The following PET117 variants were observed in gnomAD, a reference collection of about 807,000 sequenced individuals.
PET117 encodes the protein PET117 cytochrome c oxidase chaperone.
In PET117, 10 loss-of-function variants were observed where a neutral mutation model predicts 9.2. The observed-to-expected ratio is 1.09, with a 90% CI of 0.67 to 1.85. The LOEUF (loss-of-function observed/expected upper bound fraction) is 1.85, where lower values mean the gene tolerates loss of function less well. Ranked by LOEUF, PET117 falls within the 40% of genes most tolerant of loss-of-function variation. PET117 has a pLI of 0.00. For synonymous variants in PET117, 43 were observed against 37.1 expected (o/e 1.16, Z -0.57); for missense variants, 96 against 98.2 (o/e 0.98, Z 0.09).
Position 18,138,068 on chromosome 20 carries a change from C to G in PET117, c.96+17C>G. Reference sequence around the variant, plus strand: ...GACCAGCAGGTCGGTGTCACGTGACCGTCTCTTCCGGGCCCGCGCGCGCGG... The same window carrying G: ...GACCAGCAGGTCGGTGTCACGTGACGGTCTCTTCCGGGCCCGCGCGCGCGG... On this transcript the variant is annotated intron_variant, in intron 1 of 1. Transcript: ENST00000432901. 3 of 1,460,862 alleles carry G rather than the reference C, an allele frequency of 2.1e-6. 1 individual carries two copies. The South Asian group carries it at 3.9e-5, about 19-fold the overall frequency. 90.5% of individuals were successfully genotyped at this position (1,460,862 alleles called of 1,614,324 possible). A position where few individuals can be genotyped will look rare whatever the true frequency, so the allele number is the denominator to read the frequency against.
intron 1 of PET117, among the ~76,000 whole-genome samples, chr20:18,139,338 G>C (rs1478373620): frequency 2.6e-5 from 4 of 152,202 alleles, no homozygotes; most frequent in Non-Finnish European, 5.9e-5. Context: ...GTAAAATTTA[G>C]TATGACAGAT....
intron 1 of PET117, among the ~76,000 whole-genome samples, chr20:18,140,858 A>T (rs2037520959): frequency 6.7e-6 from 1 of 149,726 alleles, no homozygotes; most frequent in African/African-American, 2.4e-5. Flanking sequence ...AAACAAAAAA[A>T]ACCCTATTTA....
intron 1 of PET117, among the ~76,000 whole-genome samples, chr20:18,141,760 T>C (rs1258215486): frequency 1.3e-5 from 2 of 152,146 alleles, no homozygotes; most frequent in Admixed American, 6.5e-5. Flanking sequence ...GATGCACGCC[T>C]GTAGTCTCAG....
chr20:18,142,354 A>C lies in PET117; in HGVS notation c.243A>C (p.Ser81=). 4 of 1,535,982 alleles carry C rather than the reference A, an allele frequency of 2.6e-6. No individual in the cohort carries two copies. Among genetic ancestry groups the C allele is most frequent in the Non-Finnish European group, 3.5e-6 (4 of 1,146,000 alleles). ...KMLLAKGSQK[S] ...TATTGGCAAAAGGATCTCAAAAATC[A>C]TGACTTGAATGTGAAATATCTGTTG... Residue 81 remains serine, a synonymous_variant, in exon 2 of 2, where the codon TCA becomes TCC. Coordinates refer to ENST00000432901, the MANE Select transcript of PET117 (RefSeq NM_001164811.2).
Position 18,142,312 on chromosome 20 carries a change from A to T in PET117, c.201A>T (p.Ala67=), listed in dbSNP as rs2037618456. Reference sequence around the variant, plus strand: ...TTATTTTGACTGAGCAACTTGAAGCAGAAAGAGAGAAGATGTTATTGGCAA... The same window carrying T: ...TTATTTTGACTGAGCAACTTGAAGCTGAAAGAGAGAAGATGTTATTGGCAA... The part of the protein sequence containing the change: ...EQIILTEQLE[A]EREKMLLAKG... The change falls in exon 2 of 2, where the codon GCA becomes GCT. Residue 67 remains alanine (A), a synonymous_variant. Transcript: ENST00000432901. 1 of 1,537,056 alleles carries T rather than the reference A, an allele frequency of 6.5e-7. No homozygotes were observed. Among genetic ancestry groups the T allele is most frequent in the African/African-American group, 1.4e-5 (1 of 73,184 alleles).
In PET117 at chr20:18,142,281, AAC is replaced by A. The variant is rs2037617509; in HGVS notation, c.172_173del (p.Gln58AspfsTer5). 6.5e-7 allele frequency: 1 copy of A among 1,537,078 alleles called. No individual in the cohort carries two copies. The highest frequency in any genetic ancestry group is 8.7e-7 in the Non-Finnish European group (1 of 1,146,906). ...AAAGAAAACATTCGTCTTTTGGGAG[AAC>A]AGATTATTTTGACTGAGCAACTTGA... On this transcript the variant is annotated frameshift_variant, in exon 2 of 2. Transcript: ENST00000432901. LOFTEE classifies it high-confidence loss of function.
At position 18,137,990 on chromosome 20, in the gene PET117, C is replaced by T. The variant is rs1185986168; in HGVS notation, c.35C>T (p.Ser12Leu). 6.6e-7 allele frequency: 1 copy of T among 1,506,414 alleles called. No homozygotes were observed. The highest frequency in any genetic ancestry group is 1.4e-5 in the African/African-American group (1 of 69,668). The allele number at this position is 1,506,414 out of a possible 1,614,324, so 93.3% of individuals were successfully genotyped here. The stretch of plus-strand genomic sequence containing the variant: ...AGCTCGAAGGTGGTGCTGGGCCTCT[C>T]GGTGCTGCTGACGGCGGCCACAGTG... The part of the protein sequence containing the change: ...SRSSKVVLGL[S>L]VLLTAATVAG... Residue 12 changes from serine (S) to leucine (L), a missense_variant, in exon 1 of 2, where the codon TCG (serine) becomes TTG (leucine). Coordinates refer to ENST00000432901, the MANE Select transcript of PET117 (RefSeq NM_001164811.2).
chr20:18,139,482 G>C (rs547589581), intron 1 of PET117, among the ~76,000 whole-genome samples: 4 of 152,270 alleles, frequency 2.6e-5, no homozygotes, highest in Non-Finnish European at 4.4e-5. Flanking sequence ...CCCCACCCCA[G>C]ACCATTTAAA....
chr20:18,138,233 T>A, intron 1 of PET117, 182 bp downstream of exon 1: 3 of 1,248,468 alleles, frequency 2.4e-6, no homozygotes, highest in Non-Finnish European at 3.0e-6. Context: ...CTCCGGGCGC[T>A]GCAGCTCCCG....
Position 18,137,986 on chromosome 20 carries a change from C to T in PET117, c.31C>T (p.Leu11Phe), listed in dbSNP as rs572605530. The change falls in exon 1 of 2, where the codon CTC (leucine) becomes TTC (phenylalanine). Residue 11 changes from leucine (L) to phenylalanine (F), a missense_variant. Coordinates refer to ENST00000432901, the MANE Select transcript of PET117 (RefSeq NM_001164811.2). MSRSSKVVLG[L>F]SVLLTAATVA... Reference sequence around the variant, plus strand: ...TAGGAGCTCGAAGGTGGTGCTGGGCCTCTCGGTGCTGCTGACGGCGGCCAC... The same window carrying T: ...TAGGAGCTCGAAGGTGGTGCTGGGCTTCTCGGTGCTGCTGACGGCGGCCAC... The T allele has an allele frequency of 1.0e-4, 158 of 1,506,330 alleles. 1 individual carries two copies. In the East Asian group the frequency reaches 4.1e-3, roughly 39 times the overall value. The allele number at this position is 1,506,330 out of a possible 1,614,324, so 93.3% of individuals were successfully genotyped here. A position where few individuals can be genotyped will look rare whatever the true frequency, so the allele number is the denominator to read the frequency against.
chr20:18,139,902 T>C lies in PET117; in HGVS notation c.96+1851T>C, dbSNP rs75133101. Reference sequence around the variant, plus strand: ...AATCCTCACAGTAACCTAGCAAAAATTAAGCAGTGCTACATGAGGAGCCAG... The same window carrying C: ...AATCCTCACAGTAACCTAGCAAAAACTAAGCAGTGCTACATGAGGAGCCAG... On this transcript the variant is annotated intron_variant, in intron 1 of 1. Transcript: ENST00000432901. 3.6e-3 allele frequency among the ~76,000 whole-genome samples: 546 copies of C among 152,174 alleles called. 3 individuals are homozygous for C. Among genetic ancestry groups the C allele is most frequent in the African/African-American group, 0.012 (513 of 41,512 alleles).
chr20:18,141,051 T>TTTTTTTG (rs58888387), intron 1 of PET117, among the ~76,000 whole-genome samples: 14 of 109,696 alleles, frequency 1.3e-4, no homozygotes, highest in East Asian at 3.3e-4. Flanking sequence ...TTTTTTATTT[T>TTTTTTTG]TATTTTTGCT....
intron 1 of PET117, 172 bp downstream of exon 1, chr20:18,138,223 C>A: frequency 7.9e-7 from 1 of 1,259,244 alleles, no homozygotes; most frequent in Non-Finnish European, 1.0e-6. Context: ...CTCTGCTGGG[C>A]TCCGGGCGCT....
chr20:18,142,848 A>G lies in PET117; in HGVS notation c.*491A>G. On this transcript the variant is annotated 3_prime_UTR_variant, in exon 2 of 2. Transcript: ENST00000432901. ...AGTGGGGATTCCCTCAACAGTGATGAAGGAGACGTGTCTTGGATGGAGGAG... is the reference window on the plus strand; with the variant it reads ...AGTGGGGATTCCCTCAACAGTGATGGAGGAGACGTGTCTTGGATGGAGGAG... 2 of 1,614,198 alleles carry G rather than the reference A, an allele frequency of 1.2e-6. No individual in the cohort carries two copies. The highest frequency in any genetic ancestry group is 1.7e-6 in the Non-Finnish European group (2 of 1,180,026).
At chr20:18,140,730 T>G (rs2037504349) in intron 1 of PET117, among the ~76,000 whole-genome samples, 1 of 147,340 alleles carries the variant, frequency 6.8e-6, no homozygotes. Flanking sequence ...AAGAATCGCT[T>G]TAACTCAGAA....
rs767050498 is a variant in PET117 at position 18,142,936 on chromosome 20, T to C, written c.*579T>C. Reference sequence around the variant, plus strand: ...TACCAGCCAGTAAGGAGCTTCTCAATTCCTTTGATTTGTCAATTCCTGTGT... The same window carrying C: ...TACCAGCCAGTAAGGAGCTTCTCAACTCCTTTGATTTGTCAATTCCTGTGT... On this transcript the variant is annotated 3_prime_UTR_variant, in exon 2 of 2. Coordinates refer to ENST00000432901, the MANE Select transcript of PET117 (RefSeq NM_001164811.2). 6.8e-6 allele frequency: 11 copies of C among 1,608,830 alleles called. No homozygotes were observed. The highest frequency in any genetic ancestry group is 2.7e-5 in the African/African-American group (2 of 74,850).
chr20:18,137,926 G>C lies in PET117; in HGVS notation c.-30G>C, dbSNP rs1183830214. The C allele has an allele frequency of 1.4e-6, 2 of 1,475,104 alleles. No individual in the cohort carries two copies. The highest frequency in any genetic ancestry group is 1.8e-6 in the Non-Finnish European group (2 of 1,119,980). The allele number at this position is 1,475,104 out of a possible 1,614,324, so 91.4% of individuals were successfully genotyped here. A position where few individuals can be genotyped will look rare whatever the true frequency, so the allele number is the denominator to read the frequency against. On this transcript the variant is annotated 5_prime_UTR_variant, in exon 1 of 2. Coordinates refer to ENST00000432901, the MANE Select transcript of PET117 (RefSeq NM_001164811.2). ...CGGCCTCTGCGCCTCGGGCGGGCGG[G>C]AGAGAGAGGCCGCGGCCGCCAGCGT...
chr20:18,141,226 GTTAGTTA>G (rs1457582492), intron 1 of PET117, among the ~76,000 whole-genome samples: 1 of 151,730 alleles, frequency 6.6e-6, no homozygotes, highest in Non-Finnish European at 1.5e-5. Flanking sequence ...ACTATAAAAT[GTTAGTTA>G]TTAGTAATGA....
At chr20:18,141,899 A>C (rs1356263730) in intron 1 of PET117, among the ~76,000 whole-genome samples, 1 of 152,154 alleles carries the variant, frequency 6.6e-6, no homozygotes, top group African/African-American at 2.4e-5. Flanking sequence ...AAAATAAATA[A>C]AAAAAAATTT....
Sources: allele counts gnomAD v4.1 joint callset (sites outside exome capture counted in the v4.1 genomes callset), GRCh38; gene constraint gnomAD v4.1.1; transcripts MANE v1.5; gene names NCBI Gene and HGNC (gene_info 2026-07-23, HGNC 2026-07-21).